Variants in CTNNA2 observed in about 807,000 individuals in gnomAD.
CTNNA2 encodes the protein catenin alpha 2.
A neutral mutation model predicts 101.0 loss-of-function variants in CTNNA2; 42 were observed. That is an observed-to-expected ratio of 0.42 (90% CI 0.32 to 0.54). The LOEUF is 0.54. CTNNA2 is among the 20% of genes least tolerant of loss of function. The probability of loss-of-function intolerance (pLI) is 0.14; values close to 1 mark genes in which losing one functional copy is unlikely to be tolerated. For synonymous variants in CTNNA2, 450 were observed against 456.4 expected (o/e 0.99, Z 0.18); for missense variants, 871 against 1,223.1 (o/e 0.71, Z 4.29).
At position 80,123,031 on chromosome 2, in the gene CTNNA2, G is replaced by A. The variant is rs113975202; in HGVS notation, c.1056+213234G>A. On this transcript the variant is annotated intron_variant, in intron 7 of 18. Transcript: ENST00000402739. The stretch of plus-strand genomic sequence containing the variant: ...CTGCTGTCTCTGAGGGTGATATGGT[G>A]TGGGTCCCACCACCTCCTTTCCTCT... Among the ~76,000 whole-genome samples, 811 of 152,302 alleles carry A rather than the reference G, an allele frequency of 5.3e-3. 3 individuals are homozygous for A. Among genetic ancestry groups the A allele is most frequent in the Non-Finnish European group, 7.6e-3 (520 of 68,030 alleles).
intron 4 of CTNNA2, among the ~76,000 whole-genome samples, chr2:79,401,634 T>C (rs1678291300): frequency 1.3e-5 from 2 of 151,332 alleles, no homozygotes; most frequent in Admixed American, 1.3e-4. Flanking sequence ...ACAGGGAAAT[T>C]AAAATGATAT....
intron 7 of CTNNA2, chr2:80,162,714 CTG>C: frequency 1.2e-6 from 2 of 1,612,194 alleles, no homozygotes; most frequent in Non-Finnish European, 8.5e-7. Flanking sequence ...AAAACTATGA[CTG>C]TGTGATTGAA....
intron 4 of CTNNA2, among the ~76,000 whole-genome samples, chr2:79,414,373 A>T (rs1391092492): frequency 6.6e-6 from 1 of 152,040 alleles, no homozygotes; most frequent in Non-Finnish European, 1.5e-5. Context: ...AACGAGGAGT[A>T]ATGAGACAAA....
chr2:79,519,362 T>A (rs1671981354), intron 1 of CTNNA2, among the ~76,000 whole-genome samples: 1 of 152,152 alleles, frequency 6.6e-6, no homozygotes, highest in Non-Finnish European at 1.5e-5. Flanking sequence ...AGGTATTTTT[T>A]GAAAATACCT....
intron 2 of CTNNA2, among the ~76,000 whole-genome samples, chr2:79,299,370 G>C (rs1029489379): frequency 1.3e-5 from 2 of 152,148 alleles, no homozygotes; most frequent in African/African-American, 4.8e-5. Flanking sequence ...CAGCGTCATA[G>C]GCTACAAGAT....
Position 79,633,552 on chromosome 2 carries a change from C to G in CTNNA2, c.-5-18000C>G, listed in dbSNP as rs144684280. On this transcript the variant is annotated intron_variant, in intron 1 of 18. Transcript: ENST00000402739. ...AATATTTGAATGAGCTGTGATTACA[C>G]GGGTAAGAAAGAGCAGGGGCCTTTG... The G allele has an allele frequency of 2.6e-5, 4 of 152,194 alleles. No homozygotes were observed. In the South Asian group the frequency reaches 6.2e-4, roughly 24 times the overall value. 9.4% of individuals were successfully genotyped at this position (152,194 alleles called of 1,614,324 possible). A position where few individuals can be genotyped will look rare whatever the true frequency, so the allele number is the denominator to read the frequency against.
chr2:79,345,351 T>G (rs1020897853), intron 3 of CTNNA2, among the ~76,000 whole-genome samples: 2 of 152,184 alleles, frequency 1.3e-5, no homozygotes, highest in African/African-American at 4.8e-5. Flanking sequence ...TACATTTGAT[T>G]GTGTTCTTGT....
At chr2:79,495,902 C>T (rs1671251259) in intron 4 of CTNNA2, among the ~76,000 whole-genome samples, 1 of 151,846 alleles carries the variant, frequency 6.6e-6, no homozygotes, top group Non-Finnish European at 1.5e-5. Flanking sequence ...TATGACATGT[C>T]CAAAATTGGC....
intron 2 of CTNNA2, among the ~76,000 whole-genome samples, chr2:79,249,244 C>T (rs1202131996): frequency 1.3e-5 from 2 of 152,166 alleles, no homozygotes; most frequent in African/African-American, 4.8e-5. Flanking sequence ...CATATTTTTT[C>T]ATCAATAAAT....
intron 2 of CTNNA2, among the ~76,000 whole-genome samples, chr2:79,249,567 A>T (rs542497860): frequency 6.6e-6 from 1 of 152,280 alleles, no homozygotes; most frequent in East Asian, 1.9e-4. Flanking sequence ...AGCCTTCCTC[A>T]ATCCTTAGCC....
At chr2:79,221,148 TTG>T (rs1491502781) in intron 2 of CTNNA2, among the ~76,000 whole-genome samples, 2 of 52,132 alleles carry the variant, frequency 3.8e-5, no homozygotes, top group East Asian at 7.8e-3. Context: ...CAAATTTGTT[TTG>T]TTTTTGTTGT....
intron 9 of CTNNA2, among the ~76,000 whole-genome samples, chr2:80,502,559 T>G (rs553211564): frequency 6.6e-6 from 1 of 152,226 alleles, no homozygotes; most frequent in African/African-American, 2.4e-5. Flanking sequence ...CCTACAATTA[T>G]TATTTTGTGT....
At chr2:80,060,404 A>G (rs1227390411) in intron 7 of CTNNA2, among the ~76,000 whole-genome samples, 2 of 152,186 alleles carry the variant, frequency 1.3e-5, no homozygotes, top group African/African-American at 4.8e-5. Context: ...GCCCAGAACC[A>G]AAAGATAATG....
intron 18 of CTNNA2, among the ~76,000 whole-genome samples, chr2:80,640,102 AAAAAAACAAAAAAAC>A (rs1173473696): frequency 6.6e-6 from 1 of 152,142 alleles, no homozygotes; most frequent in Non-Finnish European, 1.5e-5. Flanking sequence ...AACATCTCAA[AAAAAAACAAAAAAAC>A]AAAAAAGTCA....
chr2:80,118,731 G>A (rs1332162991), intron 7 of CTNNA2, among the ~76,000 whole-genome samples: 2 of 152,216 alleles, frequency 1.3e-5, no homozygotes, highest in Non-Finnish European at 2.9e-5. Flanking sequence ...CACAGAGCTG[G>A]TTACTTTTTG....
intron 1 of CTNNA2, among the ~76,000 whole-genome samples, chr2:79,194,815 A>G (rs1162771487): frequency 6.6e-6 from 1 of 152,194 alleles, no homozygotes; most frequent in Admixed American, 6.5e-5. Flanking sequence ...TTATAAAAGC[A>G]CAATCATTTC....
intron 7 of CTNNA2, among the ~76,000 whole-genome samples, chr2:79,916,605 CGCTGTATCACCCAT>C (rs2104359090): frequency 8.6e-6 from 1 of 116,088 alleles, no homozygotes; most frequent in Admixed American, 1.1e-4. Flanking sequence ...GGAGGAGTCT[CGCTGTATCACCCAT>C]GCTGGAGTAC....
chr2:79,514,012 T>TCAAACCACC, intron 1 of CTNNA2, among the ~76,000 whole-genome samples: 1 of 152,164 alleles, frequency 6.6e-6, no homozygotes, highest in African/African-American at 2.4e-5. Flanking sequence ...TTTGACATTT[T>TCAAACCACC]CAAACCACCC....
At chr2:80,435,627 T>C (rs1219355546) in intron 9 of CTNNA2, among the ~76,000 whole-genome samples, 1 of 152,222 alleles carries the variant, frequency 6.6e-6, no homozygotes, top group Non-Finnish European at 1.5e-5. Context: ...GAGAATATGC[T>C]GGAGAAGATG....
Sources: gnomAD v4.1 joint callset for allele counts (sites outside exome capture counted in the v4.1 genomes callset) on GRCh38, gnomAD v4.1.1 for gene constraint, MANE v1.5 for transcripts, NCBI Gene and HGNC (gene_info 2026-07-23, HGNC 2026-07-21) for gene names.